Variants in IQSEC1 observed in about 807,000 individuals in gnomAD.
IQSEC1 encodes IQ motif and Sec7 domain ArfGEF 1, also known as IQ motif and SEC7 domain-containing protein 1.
Under a neutral mutation model 91.0 loss-of-function variants are expected in IQSEC1, and 31 were observed. That is an observed-to-expected ratio of 0.34 (90% CI 0.26 to 0.46). The LOEUF is 0.46. Among genes scored for constraint, IQSEC1 ranks in the 20% least tolerant of loss-of-function variants. The pLI is 1.00. For missense variants in IQSEC1, 1,388 were observed against 1,575.6 expected, an observed-to-expected ratio of 0.88 and a Z score of 2.02; for synonymous variants, 699 against 662.6, an observed-to-expected ratio of 1.05 and a Z score of -0.84.
intron 2 of IQSEC1, among the ~76,000 whole-genome samples, chr3:13,120,473 A>G (rs568120940): frequency 9.2e-5 from 14 of 152,268 alleles, no homozygotes; most frequent in African/African-American, 2.9e-4. Flanking sequence ...TCAGTCAGGA[A>G]AGTAACCTCT....
intron 1 of IQSEC1, among the ~76,000 whole-genome samples, chr3:13,274,905 G>A (rs1202777759): frequency 2.0e-5 from 3 of 152,184 alleles, no homozygotes; most frequent in Non-Finnish European, 4.4e-5. Flanking sequence ...CAAAAATCTG[G>A]GGAAGGGACC....
chr3:12,989,755 A>G (rs555665076), intron 1 of IQSEC1, among the ~76,000 whole-genome samples: 2 of 152,186 alleles, frequency 1.3e-5, no homozygotes, highest in Non-Finnish European at 2.9e-5. Flanking sequence ...TCTGACTTCT[A>G]AAGTGTTTTT....
At chr3:12,943,126 A>G (rs1698910132) in intron 1 of IQSEC1, among the ~76,000 whole-genome samples, 1 of 152,212 alleles carries the variant, frequency 6.6e-6, no homozygotes, top group Non-Finnish European at 1.5e-5. Context: ...GAGGAGACTG[A>G]GGCCTACAGG....
rs540374226 is a variant in IQSEC1, at chr3:13,165,490, C to T, written c.273-1357G>A. 8.1e-5 allele frequency among the ~76,000 whole-genome samples: 10 copies of T among 122,736 alleles called. 1 individual carries two copies. In the South Asian group the frequency reaches 2.5e-3, roughly 31 times the overall value. 80.5% of individuals were successfully genotyped at this position (122,736 alleles called of 152,430 possible). ...TTTTTGTTTTCCATTTGATCATAGC[C>T]AGGACAGAAAAGAAAGCAAGCGGGG... is the stretch of plus-strand genomic sequence containing the variant. On this transcript the variant is annotated intron_variant, in intron 1 of 15. Coordinates refer to the IQSEC1 transcript ENST00000648114.
intron 9 of IQSEC1, among the ~76,000 whole-genome samples, chr3:12,912,697 G>C (rs200146942): frequency 1.1e-5 from 1 of 92,592 alleles, no homozygotes; most frequent in Non-Finnish European, 2.3e-5. Flanking sequence ...AAAAAAAAAA[G>C]AACATGGGCA....
intron 1 of IQSEC1, among the ~76,000 whole-genome samples, chr3:13,058,511 G>A (rs1412704918): frequency 1.3e-5 from 2 of 152,224 alleles, no homozygotes; most frequent in African/African-American, 4.8e-5. Context: ...GTTCAGAGAG[G>A]TAAAGGAGTT....
At chr3:13,200,270 AC>A (rs1450398021) in intron 1 of IQSEC1, among the ~76,000 whole-genome samples, 10 of 149,350 alleles carry the variant, frequency 6.7e-5, no homozygotes, top group African/African-American at 2.3e-4. Flanking sequence ...ACACACACAC[AC>A]CACACACACA....
At chr3:12,901,546 C>G (rs1694307323) in intron 13 of IQSEC1, 24 bp from the exon 14 acceptor site, 1 of 1,529,778 alleles carries the variant, frequency 6.5e-7, no homozygotes, top group East Asian at 2.5e-5. Flanking sequence ...TCATAGAAAT[C>G]AAAATTAAAA....
At chr3:13,052,063 G>C (rs1704710370) in intron 1 of IQSEC1, among the ~76,000 whole-genome samples, 1 of 152,158 alleles carries the variant, frequency 6.6e-6, no homozygotes, top group Admixed American at 6.5e-5. Context: ...AGCCCACTGG[G>C]CCTATGGGGA....
At chr3:13,140,186 T>C (rs1706777409) in intron 2 of IQSEC1, among the ~76,000 whole-genome samples, 1 of 152,168 alleles carries the variant, frequency 6.6e-6, no homozygotes, top group African/African-American at 2.4e-5. Context: ...CTGCCTGGCA[T>C]CCCTTATCCT....
intron 6 of IQSEC1, 74 bp downstream of exon 6, chr3:12,920,356 A>T: frequency 1.3e-6 from 2 of 1,502,514 alleles, no homozygotes; most frequent in South Asian, 2.3e-5. Context: ...CACGCCCCTT[A>T]CATCTGGGGA....
At chr3:12,942,750 G>A (rs1030419007) in intron 1 of IQSEC1, among the ~76,000 whole-genome samples, 4 of 152,206 alleles carry the variant, frequency 2.6e-5, no homozygotes, top group East Asian at 1.9e-4. Context: ...ACCTCAGCAC[G>A]GGACTGTGTT....
intron 2 of IQSEC1, among the ~76,000 whole-genome samples, chr3:13,159,032 G>A (rs556670156): frequency 6.6e-6 from 1 of 152,080 alleles, no homozygotes; most frequent in Non-Finnish European, 1.5e-5. Context: ...GCTTATGAAG[G>A]GTACGTGTCT....
Position 13,259,238 on chromosome 3 carries a change from A to G in IQSEC1, c.272+23473T>C, listed in dbSNP as rs1332870347. Among the ~76,000 whole-genome samples the G allele has an allele frequency of 2.0e-5, 3 of 152,166 alleles. No homozygotes were observed. The highest frequency in any genetic ancestry group is 1.3e-4 in the Admixed American group (2 of 15,288). ...GTTTCCACTGGAGCAGGACCTGGAC[A>G]AGAGGAAGTGCTCTGTAAATAGTTG... On this transcript the variant is annotated intron_variant, in intron 1 of 15. Coordinates refer to the IQSEC1 transcript ENST00000648114. This position sits in a 1 kb window ranked among gnomAD's most constrained non-coding sequence, Gnocchi z 4.6.
chr3:13,248,515 C>T (rs1260231300), intron 1 of IQSEC1, among the ~76,000 whole-genome samples: 3 of 152,142 alleles, frequency 2.0e-5, no homozygotes, highest in Non-Finnish European at 4.4e-5. Context: ...TGGCTCTGGT[C>T]CTCTCCCCAC....
At chr3:13,092,200 A>G (rs781130892) in intron 2 of IQSEC1, among the ~76,000 whole-genome samples, 3 of 152,142 alleles carry the variant, frequency 2.0e-5, no homozygotes, top group African/African-American at 4.8e-5. Flanking sequence ...CAGGCAGGAG[A>G]AGAAGACCTT....
chr3:13,065,141 C>G (rs1234658981), intron 1 of IQSEC1, among the ~76,000 whole-genome samples: 2 of 152,260 alleles, frequency 1.3e-5, no homozygotes, highest in Non-Finnish European at 2.9e-5. Context: ...AGACCACCAC[C>G]TCCTGCAGGG....
At chr3:13,155,614 C>T (rs547949164) in intron 2 of IQSEC1, among the ~76,000 whole-genome samples, 6 of 152,328 alleles carry the variant, frequency 3.9e-5, no homozygotes, top group African/African-American at 1.2e-4. Flanking sequence ...GTGCTTCCTA[C>T]ATCATTCTGT....
At chr3:13,027,171 A>G (rs1202626429) in intron 1 of IQSEC1, among the ~76,000 whole-genome samples, 1 of 152,114 alleles carries the variant, frequency 6.6e-6, no homozygotes, top group Admixed American at 6.5e-5. Context: ...CGTTTTCCAA[A>G]TGGAAAAATG....
Sources: allele counts gnomAD v4.1 joint callset (sites outside exome capture counted in the v4.1 genomes callset), GRCh38; gene constraint gnomAD v4.1.1; non-coding constraint Gnocchi (gnomAD v3.1); transcripts MANE v1.5; gene names NCBI Gene and HGNC (gene_info 2026-07-23, HGNC 2026-07-21).